Variants in MARCHF1 observed in about 807,000 individuals in gnomAD.
MARCHF1 encodes membrane associated ring-CH-type finger 1.
A neutral mutation model predicts 54.2 loss-of-function variants in MARCHF1; 40 were observed. The ratio of observed to expected loss-of-function variants is 0.74; its 90% confidence interval spans 0.57 to 0.96. MARCHF1 has a LOEUF of 0.96. MARCHF1 is among the 40% of genes least tolerant of loss of function. The probability of loss-of-function intolerance (pLI) is 0.00; values close to 1 mark genes in which losing one functional copy is unlikely to be tolerated. For missense variants in MARCHF1, 586 were observed against 656.5 expected (o/e 0.89, Z 1.17); for synonymous variants, 236 against 236.3 (o/e 1.00, Z 0.01).
intron 5 of MARCHF1, among the ~76,000 whole-genome samples, chr4:163,655,255 C>T (rs906071495): frequency 5.9e-5 from 9 of 151,696 alleles, no homozygotes; most frequent in Middle Eastern, 3.4e-3. Flanking sequence ...CATGACATTT[C>T]GTACTTAATT....
intron 2 of MARCHF1, among the ~76,000 whole-genome samples, chr4:164,097,191 G>A (rs948270284): frequency 6.6e-6 from 1 of 152,130 alleles, no homozygotes; most frequent in Non-Finnish European, 1.5e-5. Flanking sequence ...CCTAAAATAA[G>A]TGTATTTTAA....
chr4:163,734,984 T>C (rs1346859812), intron 4 of MARCHF1, among the ~76,000 whole-genome samples: 2 of 152,166 alleles, frequency 1.3e-5, no homozygotes, highest in African/African-American at 4.8e-5. Context: ...CTTGCTAGTG[T>C]TTTATACTTT....
At chr4:164,243,368 C>T (rs1732836701) in intron 1 of MARCHF1, among the ~76,000 whole-genome samples, 1 of 148,486 alleles carries the variant, frequency 6.7e-6, no homozygotes, top group Non-Finnish European at 1.5e-5. Flanking sequence ...ATTTCATATC[C>T]AGCCAAACTA....
chr4:163,946,261 G>A lies in MARCHF1; in HGVS notation c.-39+42240C>T, dbSNP rs1292899118. On this transcript the variant is annotated intron_variant, in intron 3 of 9. Coordinates refer to ENST00000514618, the MANE Select transcript of MARCHF1 (RefSeq NM_001394959.1). ...TAGAGAGAGGGCTTTACACTCCAGG[G>A]TTTTGTTTCTTTGATTGACTGATTT... Among the ~76,000 whole-genome samples, 3 of 152,012 alleles carry A rather than the reference G, an allele frequency of 2.0e-5. No individual in the cohort carries two copies. In the East Asian group the frequency reaches 5.8e-4, roughly 29 times the overall value.
intron 1 of MARCHF1, among the ~76,000 whole-genome samples, chr4:164,145,656 T>C (rs893703370): frequency 6.6e-5 from 10 of 152,176 alleles, no homozygotes; most frequent in African/African-American, 2.2e-4. Context: ...AAATTAGGTA[T>C]TGATGGGACA....
At chr4:163,726,178 G>A (rs1328257534) in intron 4 of MARCHF1, among the ~76,000 whole-genome samples, 2 of 151,980 alleles carry the variant, frequency 1.3e-5, no homozygotes, top group African/African-American at 2.4e-5. Flanking sequence ...TATATTCTAC[G>A]GACTTTGACA....
In MARCHF1 at chr4:163,986,246, C is replaced by CTTTTTTTTTTTTTTTTTTTTT. The variant is rs1752861022; in HGVS notation, c.-39+2254_-39+2255insAAAAAAAAAAAAAAAAAAAAA. On this transcript the variant is annotated intron_variant, in intron 3 of 9. Transcript: ENST00000514618. ...CCTTTCCTTTTCTCCTAATTAACCTCTTCTTTTTTTTTTTTTTTTTTTTTT... is the reference window on the plus strand; with the variant it reads ...CCTTTCCTTTTCTCCTAATTAACCTCTTTTTTTTTTTTTTTTTTTTTTTCTTTTTTTTTTTTTTTTTTTTTT... Among the ~76,000 whole-genome samples the CTTTTTTTTTTTTTTTTTTTTT allele has an allele frequency of 1.1e-4, 8 of 73,772 alleles. 1 individual carries two copies. Among genetic ancestry groups the CTTTTTTTTTTTTTTTTTTTTT allele is most frequent in the Admixed American group, 1.9e-4 (1 of 5,166 alleles). The allele number at this position is 73,772 out of a possible 152,430, so 48.4% of individuals were successfully genotyped here.
chr4:164,197,850 T>C, intron 1 of MARCHF1: 2 of 1,412,372 alleles, frequency 1.4e-6, no homozygotes, highest in South Asian at 2.9e-5. Context: ...TTTACAAATA[T>C]TATAATAAAG....
chr4:164,368,494 A>G (rs1356492376), intron 1 of MARCHF1, among the ~76,000 whole-genome samples: 1 of 152,114 alleles, frequency 6.6e-6, no homozygotes. Context: ...TTTTCCATAG[A>G]AAAATTCACT....
At chr4:163,665,841 T>C (rs1018563488) in intron 5 of MARCHF1, among the ~76,000 whole-genome samples, 1 of 152,156 alleles carries the variant, frequency 6.6e-6, no homozygotes, top group African/African-American at 2.4e-5. Context: ...TTAATAACTA[T>C]AGGCCATTAG....
intron 2 of MARCHF1, among the ~76,000 whole-genome samples, chr4:163,995,076 G>T (rs1364292536): frequency 6.6e-6 from 1 of 151,882 alleles, no homozygotes; most frequent in African/African-American, 2.4e-5. Flanking sequence ...GATCCCACAG[G>T]TTCAGGGCTC....
At chr4:164,039,375 A>T (rs548019417) in intron 2 of MARCHF1, among the ~76,000 whole-genome samples, 1 of 152,292 alleles carries the variant, frequency 6.6e-6, no homozygotes, top group Admixed American at 6.5e-5. Flanking sequence ...CCTGGGTTGA[A>T]ATTGCATTTT....
intron 1 of MARCHF1, among the ~76,000 whole-genome samples, chr4:164,117,926 A>G (rs1213648845): frequency 2.0e-5 from 3 of 152,050 alleles, no homozygotes; most frequent in Non-Finnish European, 2.9e-5. Context: ...CAGCACTGAT[A>G]GTTATAAATC....
At chr4:164,220,497 T>C (rs1464513084) in intron 1 of MARCHF1, among the ~76,000 whole-genome samples, 1 of 145,644 alleles carries the variant, frequency 6.9e-6, no homozygotes, top group Non-Finnish European at 1.5e-5. Flanking sequence ...CATATACACA[T>C]ATGGGAATGG....
At chr4:164,074,454 T>C (rs1228597718) in intron 2 of MARCHF1, among the ~76,000 whole-genome samples, 2 of 152,206 alleles carry the variant, frequency 1.3e-5, no homozygotes, top group Non-Finnish European at 2.9e-5. Context: ...TAAATGTTCA[T>C]TGATTCACTC....
intron 1 of MARCHF1, among the ~76,000 whole-genome samples, chr4:164,292,378 G>A (rs987938921): frequency 6.6e-6 from 1 of 152,060 alleles, no homozygotes; most frequent in African/African-American, 2.4e-5. Flanking sequence ...AAGCAAATTG[G>A]TGAAGCAGCA....
chr4:163,644,458 A>G (rs1742676583), intron 5 of MARCHF1, among the ~76,000 whole-genome samples: 1 of 152,150 alleles, frequency 6.6e-6, no homozygotes, highest in Non-Finnish European at 1.5e-5. Flanking sequence ...CCTCTCAGCT[A>G]TGGTCTGAGA....
chr4:163,810,676 T>G (rs1748359003), intron 4 of MARCHF1, among the ~76,000 whole-genome samples: 1 of 152,222 alleles, frequency 6.6e-6, no homozygotes, highest in Admixed American at 6.5e-5. Context: ...AAATTTAAAA[T>G]TAAGAATAAC....
At chr4:163,737,257 G>T in intron 4 of MARCHF1, among the ~76,000 whole-genome samples, 2 of 74,364 alleles carry the variant, frequency 2.7e-5, no homozygotes, top group Non-Finnish European at 5.8e-5. Context: ...GGGTACATGT[G>T]CACATTGTGC....
Sources: allele counts gnomAD v4.1 joint callset (sites outside exome capture counted in the v4.1 genomes callset), GRCh38; gene constraint gnomAD v4.1.1; transcripts MANE v1.5; gene names NCBI Gene and HGNC (gene_info 2026-07-23, HGNC 2026-07-21).